Variants in PRICKLE2 observed in about 807,000 individuals in gnomAD.
PRICKLE2 encodes prickle planar cell polarity protein 2, also known as prickle-like protein 2.
A neutral mutation model predicts 81.4 loss-of-function variants in PRICKLE2; 21 were observed. The ratio of observed to expected loss-of-function variants is 0.26; its 90% CI spans 0.18 to 0.37. PRICKLE2 has a LOEUF of 0.37. Among genes scored for constraint, PRICKLE2 ranks in the 10% least tolerant of loss-of-function variants. The probability of loss-of-function intolerance (pLI) is 1.00; values close to 1 mark genes in which losing one functional copy is unlikely to be tolerated. For missense variants in PRICKLE2, 940 were observed against 1,109.0 expected (o/e 0.85, Z 2.16); for synonymous variants, 456 against 421.5 (o/e 1.08, Z -1.00).
intron 7 of PRICKLE2, among the ~76,000 whole-genome samples, chr3:64,130,286 T>C (rs1169965144): frequency 2.0e-5 from 3 of 152,188 alleles, no homozygotes; most frequent in African/African-American, 4.8e-5. Flanking sequence ...GTGTTTACTG[T>C]GATCTAGGTG....
intron 2 of PRICKLE2, among the ~76,000 whole-genome samples, chr3:64,180,327 A>T (rs1037385504): frequency 1.1e-4 from 16 of 152,186 alleles, no homozygotes; most frequent in African/African-American, 3.1e-4. Context: ...AATATACAGA[A>T]TATAAAATTT....
At position 64,152,625 on chromosome 3, in the gene PRICKLE2, C is replaced by T. The variant is rs1444800723; in HGVS notation, c.787+557G>A. The stretch of plus-strand genomic sequence containing the variant: ...TGACAATCCCTCTCCACCAAGAGAC[C>T]ACTTTGGTTCCTCCTCTGCAAATCC... On this transcript the variant is annotated intron_variant, in intron 6 of 7. Coordinates refer to ENST00000638394, the MANE Select transcript of PRICKLE2 (RefSeq NM_198859.4). Among the ~76,000 whole-genome samples the T allele has an allele frequency of 2.0e-5, 3 of 151,810 alleles. No homozygotes were observed. In the East Asian group the frequency reaches 5.8e-4, roughly 29 times the overall value.
intron 7 of PRICKLE2, among the ~76,000 whole-genome samples, chr3:64,123,801 C>T (rs1260691205): frequency 6.6e-6 from 1 of 152,150 alleles, no homozygotes; most frequent in Non-Finnish European, 1.5e-5. Context: ...TCTAACTGCT[C>T]CACTGACCCA....
chr3:64,158,390 G>A (rs767216112), intron 4 of PRICKLE2, among the ~76,000 whole-genome samples: 3 of 152,196 alleles, frequency 2.0e-5, no homozygotes, highest in Middle Eastern at 3.2e-3. Context: ...CTTACCTTCC[G>A]TGATAATGTT....
chr3:64,262,081 A>T (rs1460981939), intron 2 of PRICKLE2, among the ~76,000 whole-genome samples: 1 of 152,144 alleles, frequency 6.6e-6, no homozygotes, highest in African/African-American at 2.4e-5. Context: ...GTAGAGTCTC[A>T]TCAATTTTGA....
chr3:64,242,762 A>G (rs969666413), intron 2 of PRICKLE2, among the ~76,000 whole-genome samples: 1 of 152,242 alleles, frequency 6.6e-6, no homozygotes, highest in African/African-American at 2.4e-5. Flanking sequence ...GACAGTGAGC[A>G]TCAGTCTGTG....
intron 2 of PRICKLE2, among the ~76,000 whole-genome samples, chr3:64,190,829 T>G (rs2078319718): frequency 6.6e-6 from 1 of 152,178 alleles, no homozygotes. Flanking sequence ...AGACTCCCTT[T>G]GCACTCTGAG....
At chr3:64,120,595 G>A (rs830011) in intron 7 of PRICKLE2, among the ~76,000 whole-genome samples, 75,293 of 151,926 alleles carry the variant, frequency 0.5, 19,105 homozygotes, top group Middle Eastern at 0.61. Flanking sequence ...AATCCACTAA[G>A]TCTGAGATTC....
intron 2 of PRICKLE2, among the ~76,000 whole-genome samples, chr3:64,181,024 A>G (rs2107080394): frequency 6.6e-6 from 1 of 152,330 alleles, no homozygotes; most frequent in Middle Eastern, 3.4e-3. Context: ...TGGCCCCAGC[A>G]ATCAGAATCT....
intron 7 of PRICKLE2, among the ~76,000 whole-genome samples, chr3:64,106,484 T>C (rs1215230702): frequency 1.3e-5 from 2 of 152,198 alleles, no homozygotes; most frequent in Non-Finnish European, 2.9e-5. Flanking sequence ...GAATGCATGA[T>C]TGTATGGATT....
At chr3:64,244,213 T>C (rs1039259060) in intron 2 of PRICKLE2, among the ~76,000 whole-genome samples, 4 of 152,166 alleles carry the variant, frequency 2.6e-5, no homozygotes, top group African/African-American at 9.7e-5. Context: ...CTGGAACACC[T>C]TCTGTTTAAT....
chr3:64,254,515 A>G (rs1294836181), intron 2 of PRICKLE2, among the ~76,000 whole-genome samples: 1 of 152,180 alleles, frequency 6.6e-6, no homozygotes, highest in Non-Finnish European at 1.5e-5. Context: ...GCAAAAAGAC[A>G]GGGACCCTCA....
In PRICKLE2 at chr3:64,097,250, GT is replaced by G. The variant is rs2106932299; in HGVS notation, c.*1800del. ...ATCCCGAATGGAGTGCCATTACCAT[GT>G]CCTTTACAGCCTTCCTTTCCTCAGA... On this transcript the variant is annotated 3_prime_UTR_variant, in exon 8 of 8. Transcript: ENST00000638394. The G allele has an allele frequency of 6.5e-6, 1 of 152,686 alleles. No homozygotes were observed. Among genetic ancestry groups the G allele is most frequent in the Non-Finnish European group, 1.5e-5 (1 of 68,020 alleles). The allele number at this position is 152,686 out of a possible 1,614,324, so 9.5% of individuals were successfully genotyped here. A position where few individuals can be genotyped will look rare whatever the true frequency, so the allele number is the denominator to read the frequency against.
At chr3:64,237,368 C>G (rs940258559) in intron 2 of PRICKLE2, among the ~76,000 whole-genome samples, 5 of 152,102 alleles carry the variant, frequency 3.3e-5, no homozygotes, top group African/African-American at 4.8e-5. Context: ...TAAAGTGGCT[C>G]TCAGTGGGAT....
chr3:64,123,033 C>T (rs1248729628), intron 7 of PRICKLE2, among the ~76,000 whole-genome samples: 4 of 152,198 alleles, frequency 2.6e-5, no homozygotes, highest in Non-Finnish European at 5.9e-5. Context: ...TATGTGGCTC[C>T]TGTCCTCAGC....
At chr3:64,164,139 G>C (rs1361088052) in intron 2 of PRICKLE2, among the ~76,000 whole-genome samples, 1 of 152,080 alleles carries the variant, frequency 6.6e-6, no homozygotes, top group Non-Finnish European at 1.5e-5. Flanking sequence ...TTGGGGGGCT[G>C]AGGCGGGCGG....
chr3:64,232,073 T>C (rs1403828100), intron 2 of PRICKLE2, among the ~76,000 whole-genome samples: 2 of 152,254 alleles, frequency 1.3e-5, no homozygotes, highest in African/African-American at 2.4e-5. Context: ...AATTCCTTTG[T>C]ACAAGGGAAG....
intron 1 of PRICKLE2, among the ~76,000 whole-genome samples, chr3:64,207,184 G>A (rs2078702292): frequency 6.6e-6 from 1 of 152,202 alleles, no homozygotes; most frequent in Admixed American, 6.5e-5. Context: ...ACAGGCATGA[G>A]TCACTGTGCC....
At chr3:64,146,529 G>A in intron 7 of PRICKLE2, 1 of 342,712 alleles carries the variant, frequency 2.9e-6, no homozygotes, top group Middle Eastern at 9.6e-4. Context: ...GGATCACGAG[G>A]TCAGGAGATC....
Sources: allele counts gnomAD v4.1 joint callset (sites outside exome capture counted in the v4.1 genomes callset), GRCh38; gene constraint gnomAD v4.1.1; transcripts MANE v1.5; gene names NCBI Gene and HGNC (gene_info 2026-07-23, HGNC 2026-07-21).